Variants in FHL2 observed in about 807,000 individuals in gnomAD.
The protein encoded by FHL2 is four and a half LIM domains protein 2.
Under a neutral mutation model 32.7 loss-of-function variants are expected in FHL2, and 20 were observed. The ratio of observed to expected loss-of-function variants is 0.61; its 90% CI spans 0.43 to 0.89. FHL2 has a LOEUF of 0.89. Ranked by LOEUF, FHL2 falls within the 40% of genes least tolerant of loss-of-function variation. The probability of loss-of-function intolerance (pLI) is 0.00; values close to 1 mark genes in which losing one functional copy is unlikely to be tolerated. For synonymous variants in FHL2, 123 were observed against 128.1 expected, an observed-to-expected ratio of 0.96 and a Z score of 0.27; for missense variants, 311 against 358.6, an observed-to-expected ratio of 0.87 and a Z score of 1.07.
At chr2:105,426,950 G>C (rs750482607) in intron 1 of FHL2, among the ~76,000 whole-genome samples, 2 of 152,166 alleles carry the variant, frequency 1.3e-5, no homozygotes, top group Non-Finnish European at 2.9e-5. Flanking sequence ...AAAGACTTAT[G>C]TTGATAGAAC....
intron 1 of FHL2, among the ~76,000 whole-genome samples, chr2:105,420,551 AT>A (rs1443344134): frequency 2.0e-5 from 3 of 152,194 alleles, no homozygotes; most frequent in Non-Finnish European, 4.4e-5. Flanking sequence ...CAAATTATTC[AT>A]AACTAATAGT....
At chr2:105,418,449 C>T (rs1042669617) in intron 1 of FHL2, among the ~76,000 whole-genome samples, 1 of 151,994 alleles carries the variant, frequency 6.6e-6, no homozygotes, top group Non-Finnish European at 1.5e-5. Flanking sequence ...AAACAAAAAA[C>T]CCATTTTAAT....
At chr2:105,432,640 C>A (rs1684473304) in intron 1 of FHL2, among the ~76,000 whole-genome samples, 1 of 152,142 alleles carries the variant, frequency 6.6e-6, no homozygotes, top group African/African-American at 2.4e-5. Context: ...TCTCTTCCCC[C>A]AACACAAACA....
intron 1 of FHL2, among the ~76,000 whole-genome samples, chr2:105,417,114 T>C (rs1366738650): frequency 6.6e-6 from 1 of 152,242 alleles, no homozygotes; most frequent in Non-Finnish European, 1.5e-5. Flanking sequence ...CCGGGCGCGG[T>C]GGCTCACGCC....
intron 2 of FHL2, among the ~76,000 whole-genome samples, chr2:105,393,565 C>T (rs1355808740): frequency 6.6e-6 from 1 of 152,168 alleles, no homozygotes; most frequent in East Asian, 1.9e-4. Context: ...GAAGGGTGCC[C>T]ACTACCTGTC....
At chr2:105,382,693 A>T (rs1291753151) in intron 3 of FHL2, among the ~76,000 whole-genome samples, 9 of 149,594 alleles carry the variant, frequency 6.0e-5, no homozygotes, top group East Asian at 3.9e-4. Context: ...CTTGTTTATT[A>T]TTTTTTTTTT....
rs1018740778 is a variant in FHL2 at position 105,363,460 on chromosome 2, C to G, written c.513G>C (p.Thr171=). 1.9e-6 allele frequency: 3 copies of G among 1,608,728 alleles called. No individual in the cohort carries two copies. The highest frequency in any genetic ancestry group is 1.7e-6 in the Non-Finnish European group (2 of 1,177,564). ...QCVQCKKPIT[T]GGVTYREQPW... is the part of the protein sequence containing the mutation. ...GCTGCTCCCGGTAAGTGACCCCTCC[C>G]GTGGTGATGGGCTGCAGGGACGAGG... is the stretch of plus-strand genomic sequence containing the variant. The change falls in exon 6 of 7, where the codon ACG becomes ACC. Residue 171 remains threonine, a synonymous_variant. Coordinates refer to ENST00000530340, the MANE Select transcript of FHL2 (RefSeq NM_001318895.3).
intron 3 of FHL2, chr2:105,375,239 T>A (rs1040842120): frequency 2.6e-5 from 4 of 152,226 alleles, no homozygotes; most frequent in African/African-American, 9.6e-5. Flanking sequence ...TTTAGTGATC[T>A]CTTTGCGCAT....
At position 105,398,292 on chromosome 2, in the gene FHL2, C is replaced by T. The variant is rs530191637; in HGVS notation, c.-76+550G>A. Among the ~76,000 whole-genome samples, 142 of 82,248 alleles carry T rather than the reference C, an allele frequency of 1.7e-3. 7 individuals carry two copies. In the South Asian group the frequency reaches 0.045, roughly 26 times the overall value. The allele number at this position is 82,248 out of a possible 152,430, so 54.0% of individuals were successfully genotyped here. On this transcript the variant is annotated intron_variant, in intron 1 of 6. Coordinates refer to ENST00000530340, the MANE Select transcript of FHL2 (RefSeq NM_001318895.3). Reference sequence around the variant, plus strand: ...TCACACGAGTGCGACTTAAGAAAAACTTAGAATCTTTTCATTTAAAATAAG... The same window carrying T: ...TCACACGAGTGCGACTTAAGAAAAATTTAGAATCTTTTCATTTAAAATAAG...
chr2:105,365,414 G>A (rs1201689488), intron 5 of FHL2, among the ~76,000 whole-genome samples: 2 of 152,200 alleles, frequency 1.3e-5, no homozygotes, highest in Non-Finnish European at 2.9e-5. Context: ...CAAAAAGCAT[G>A]CATCCCAGAA....
intron 1 of FHL2, chr2:105,397,015 T>TG (rs1553421546): frequency 4.5e-6 from 1 of 223,126 alleles, no homozygotes; most frequent in Non-Finnish European, 8.7e-6. Flanking sequence ...AGTCTGTTTT[T>TG]TTTTTTTTTT....
chr2:105,391,770 T>C (rs1177473204), intron 2 of FHL2, among the ~76,000 whole-genome samples: 1 of 152,142 alleles, frequency 6.6e-6, no homozygotes, highest in Non-Finnish European at 1.5e-5. Context: ...ATTAACCTAA[T>C]TGTGTACAAT....
At chr2:105,368,312 C>T (rs1438642850) in intron 4 of FHL2, among the ~76,000 whole-genome samples, 1 of 152,150 alleles carries the variant, frequency 6.6e-6, no homozygotes, top group Non-Finnish European at 1.5e-5. Flanking sequence ...GTACTAAGTG[C>T]TATAATTAAA....
chr2:105,360,082 A>G (rs979433021), downstream of FHL2: 1 of 152,210 alleles, frequency 6.6e-6, no homozygotes, highest in African/African-American at 2.4e-5. Flanking sequence ...AGGCAGGTGG[A>G]TCACCTGAGG....
rs184463441 is a variant in FHL2 at position 105,410,803 on chromosome 2, G to A, written c.-24-24263C>T. 4.6e-5 allele frequency among the ~76,000 whole-genome samples: 7 copies of A among 152,304 alleles called. No homozygotes were observed. The East Asian group carries it at 1.4e-3, about 29-fold the overall frequency. ...AATGCTGCCAGATTTAAGGTGAGGA[G>A]CAATGGCATGAGTAATCCTTTCAGA... is the stretch of plus-strand genomic sequence containing the variant. On this transcript the variant is annotated intron_variant, in intron 1 of 5. Coordinates refer to the FHL2 transcript ENST00000393352.
At chr2:105,370,797 C>T (rs1432972054) in intron 4 of FHL2, among the ~76,000 whole-genome samples, 1 of 152,114 alleles carries the variant, frequency 6.6e-6, no homozygotes, top group Non-Finnish European at 1.5e-5. Context: ...CTTTGGTGCC[C>T]AGTCCGTTTC....
chr2:105,374,818 T>A (rs945251705), intron 3 of FHL2, among the ~76,000 whole-genome samples: 1 of 152,224 alleles, frequency 6.6e-6, no homozygotes, highest in African/African-American at 2.4e-5. Context: ...TATTGCTGTC[T>A]TTGTGTTCCC....
chr2:105,391,082 C>T (rs1573356316), intron 2 of FHL2, among the ~76,000 whole-genome samples: 1 of 152,124 alleles, frequency 6.6e-6, no homozygotes, highest in South Asian at 2.1e-4. Flanking sequence ...ATCCGCCTGC[C>T]TTGGCCTCCT....
chr2:105,391,771 T>A (rs1363278294), intron 2 of FHL2, among the ~76,000 whole-genome samples: 1 of 152,164 alleles, frequency 6.6e-6, no homozygotes, highest in African/African-American at 2.4e-5. Context: ...TTAACCTAAT[T>A]GTGTACAATC....
Sources: allele counts gnomAD v4.1 joint callset (sites outside exome capture counted in the v4.1 genomes callset), GRCh38; gene constraint gnomAD v4.1.1; transcripts MANE v1.5; gene names NCBI Gene and HGNC (gene_info 2026-07-23, HGNC 2026-07-21).